Variants in CDYL2 observed in about 807,000 individuals in gnomAD.
CDYL2 encodes chromodomain Y-like protein 2.
In CDYL2, 23 loss-of-function variants were observed where a neutral mutation model predicts 49.4. The ratio of observed to expected loss-of-function variants is 0.47; its 90% CI spans 0.34 to 0.66. The LOEUF is 0.66. Among genes scored for constraint, CDYL2 ranks in the 30% least tolerant of loss-of-function variants. CDYL2 has a pLI of 0.01. For synonymous variants in CDYL2, 360 were observed against 268.8 expected (o/e 1.34, Z -3.32); for missense variants, 678 against 656.4 (o/e 1.03, Z -0.36).
At chr16:80,773,118 T>C (rs1276076562) in intron 1 of CDYL2, among the ~76,000 whole-genome samples, 2 of 152,056 alleles carry the variant, frequency 1.3e-5, no homozygotes, top group East Asian at 1.9e-4. Context: ...AAAAAAGAAA[T>C]GCTCTGCAAA....
chr16:80,724,021 G>C (rs1304830489), intron 1 of CDYL2, among the ~76,000 whole-genome samples: 2 of 150,150 alleles, frequency 1.3e-5, no homozygotes, highest in South Asian at 2.1e-4. Context: ...AGAAGAGAAA[G>C]AGGAAGAGGG....
chr16:80,679,118 G>C (rs1468776081), intron 2 of CDYL2, among the ~76,000 whole-genome samples: 5 of 111,814 alleles, frequency 4.5e-5, no homozygotes, highest in Non-Finnish European at 7.1e-5. Flanking sequence ...GTTGTGGGGT[G>C]GGGGGAGGGG....
intron 1 of CDYL2, among the ~76,000 whole-genome samples, chr16:80,769,993 G>C (rs565393787): frequency 1.3e-5 from 2 of 152,170 alleles, no homozygotes; most frequent in Admixed American, 1.3e-4. Flanking sequence ...GAAAGTGTCA[G>C]GTTTTACAAA....
intron 1 of CDYL2, among the ~76,000 whole-genome samples, chr16:80,746,788 G>A (rs562793979): frequency 6.6e-6 from 1 of 152,072 alleles, no homozygotes; most frequent in South Asian, 2.1e-4. Context: ...CACTCACTAG[G>A]ACACTGTGCT....
At chr16:80,725,141 C>T (rs182831641) in intron 1 of CDYL2, among the ~76,000 whole-genome samples, 98 of 152,148 alleles carry the variant, frequency 6.4e-4, no homozygotes, top group African/African-American at 2.2e-3. Context: ...TTCACTGGAA[C>T]ACTCTGAACT....
At chr16:80,606,685 T>C (rs888370980) in intron 6 of CDYL2, among the ~76,000 whole-genome samples, 4 of 152,150 alleles carry the variant, frequency 2.6e-5, no homozygotes, top group African/African-American at 9.7e-5. Flanking sequence ...AACCCAAATC[T>C]CATCTTGAAT....
At chr16:80,627,071 A>C (rs1024994353) in intron 3 of CDYL2, among the ~76,000 whole-genome samples, 1 of 152,122 alleles carries the variant, frequency 6.6e-6, no homozygotes, top group Non-Finnish European at 1.5e-5. Context: ...GGTGGAAAAA[A>C]CAGGGCTGGA....
chr16:80,635,433 A>AG (rs1289006235), intron 2 of CDYL2, among the ~76,000 whole-genome samples: 1 of 152,228 alleles, frequency 6.6e-6, no homozygotes, highest in East Asian at 1.9e-4. Context: ...ACAGACAGCC[A>AG]GCCAAATCAT....
rs542814947 is a variant in CDYL2, at chr16:80,764,787, G to A, written c.24+39363C>T. ...AAAGAATTTAGTTCCTCGGCTAGGC[G>A]CGGTGGCTCAAGCCTGTAATCCCAG... On this transcript the variant is annotated intron_variant, in intron 1 of 6. Coordinates refer to ENST00000570137, the MANE Select transcript of CDYL2 (RefSeq NM_152342.4). Among the ~76,000 whole-genome samples, 8 of 152,078 alleles carry A rather than the reference G, an allele frequency of 5.3e-5. 1 individual carries two copies. Among genetic ancestry groups the A allele is most frequent in the African/African-American group, 7.2e-5 (3 of 41,496 alleles).
intron 1 of CDYL2, among the ~76,000 whole-genome samples, chr16:80,768,468 G>A (rs1906799321): frequency 6.6e-6 from 1 of 152,188 alleles, no homozygotes; most frequent in African/African-American, 2.4e-5. Context: ...AGTTCTAGAG[G>A]CTGGGAAGTC....
At chr16:80,690,396 T>A (rs186493771) in intron 1 of CDYL2, among the ~76,000 whole-genome samples, 1 of 152,242 alleles carries the variant, frequency 6.6e-6, no homozygotes, top group East Asian at 1.9e-4. Context: ...CATACCACCA[T>A]CACCACCTAA....
intron 2 of CDYL2, among the ~76,000 whole-genome samples, chr16:80,641,299 G>C (rs907038368): frequency 2.6e-5 from 4 of 151,890 alleles, no homozygotes; most frequent in Non-Finnish European, 4.4e-5. Context: ...AGGAGAGAAT[G>C]GCATGACATA....
At chr16:80,623,037 A>G (rs1270977632) in intron 3 of CDYL2, among the ~76,000 whole-genome samples, 1 of 152,226 alleles carries the variant, frequency 6.6e-6, no homozygotes, top group Non-Finnish European at 1.5e-5. Context: ...CAGAGCCTGC[A>G]CTAACAGACT....
chr16:80,703,143 T>C (rs1304630669), intron 1 of CDYL2, among the ~76,000 whole-genome samples: 1 of 152,150 alleles, frequency 6.6e-6, no homozygotes. Flanking sequence ...CACACACACC[T>C]GGGCAAAAAG....
intron 2 of CDYL2, among the ~76,000 whole-genome samples, chr16:80,654,586 G>A (rs1289430719): frequency 6.6e-6 from 1 of 152,162 alleles, no homozygotes; most frequent in Non-Finnish European, 1.5e-5. Flanking sequence ...CAGGGCCCTG[G>A]GTCCACCTCC....
intron 1 of CDYL2, among the ~76,000 whole-genome samples, chr16:80,699,261 G>A (rs1904289031): frequency 1.3e-5 from 2 of 152,256 alleles, no homozygotes; most frequent in South Asian, 4.2e-4. Flanking sequence ...CAACCTAAGT[G>A]TCCATCAACA....
chr16:80,607,567 T>G (rs2142358908), intron 6 of CDYL2, among the ~76,000 whole-genome samples: 1 of 152,314 alleles, frequency 6.6e-6, no homozygotes, highest in East Asian at 1.9e-4. Context: ...TGAGATAAAA[T>G]CAACACTTAA....
intron 5 of CDYL2, among the ~76,000 whole-genome samples, 171 bp from the exon 6 acceptor site, chr16:80,608,406 C>T (rs890381627): frequency 3.3e-5 from 5 of 152,218 alleles, no homozygotes; most frequent in Middle Eastern, 3.4e-3. Context: ...TGGAAATGTT[C>T]GTGTGCATGA....
At chr16:80,712,039 A>G (rs1030116165) in intron 1 of CDYL2, among the ~76,000 whole-genome samples, 4 of 150,298 alleles carry the variant, frequency 2.7e-5, no homozygotes, top group Non-Finnish European at 5.9e-5. Flanking sequence ...GTGTATATAT[A>G]TGTGTGTATA....
Sources: gnomAD v4.1 joint callset for allele counts (sites outside exome capture counted in the v4.1 genomes callset) on GRCh38, gnomAD v4.1.1 for gene constraint, MANE v1.5 for transcripts, NCBI Gene and HGNC (gene_info 2026-07-23, HGNC 2026-07-21) for gene names.